The following ANXA8 variants were observed in gnomAD, a reference collection of about 807,000 sequenced individuals.
ANXA8 encodes annexin A8.
In ANXA8, 9 loss-of-function variants were observed where a neutral mutation model predicts 26.8. That is an observed-to-expected ratio of 0.34 (90% CI 0.20 to 0.59). The LOEUF is 0.59. Ranked by LOEUF, ANXA8 falls within the 20% of genes least tolerant of loss-of-function variation. The pLI is 0.84. For synonymous variants in ANXA8, 39 were observed against 94.8 expected (o/e 0.41, Z 3.42); for missense variants, 83 against 238.5 (o/e 0.35, Z 4.29).
At position 47,483,969 on chromosome 10, in the gene ANXA8, G is replaced by A; in HGVS notation, c.-36C>T. On this transcript the variant is annotated 5_prime_UTR_variant, in exon 1 of 12. Transcript: ENST00000585281. Reference sequence around the variant, plus strand: ...TCGGGGGCACCTTTCCCAGGGAGATGAAGAGACACAGGTTGGCCTCTGCTG... The same window carrying A: ...TCGGGGGCACCTTTCCCAGGGAGATAAAGAGACACAGGTTGGCCTCTGCTG... 1 of 1,611,714 alleles carries A rather than the reference G, an allele frequency of 6.2e-7. No individual in the cohort carries two copies. The highest frequency in any genetic ancestry group is 1.1e-5 in the South Asian group (1 of 90,976).
the ANXA8 span, among the ~76,000 whole-genome samples, chr10:47,684,528 G>A: frequency 1.3e-5 from 2 of 152,036 alleles, no homozygotes; most frequent in East Asian, 1.9e-4. Flanking sequence ...TGTGGTCCAG[G>A]ATGGCTTTAA....
the ANXA8 span, chr10:47,970,252 G>T: frequency 2.0e-5 from 3 of 151,502 alleles, no homozygotes; most frequent in African/African-American, 7.3e-5. Flanking sequence ...CCACATCCAG[G>T]CTGAGTGCTG....
the ANXA8 span, among the ~76,000 whole-genome samples, chr10:47,582,881 GGAA>G: frequency 7.4e-5 from 3 of 40,512 alleles, no homozygotes; most frequent in Non-Finnish European, 1.3e-4. Flanking sequence ...GGACAAACTG[GGAA>G]GGAGAGCACC....
chr10:47,491,810 T>C, the ANXA8 span: 2 of 782,168 alleles, frequency 2.6e-6, no homozygotes, highest in Admixed American at 2.6e-5. Flanking sequence ...GACAGGTGAG[T>C]CAGTGAGGGC....
chr10:47,474,649 G>A (rs2132400861), intron 7 of ANXA8, among the ~76,000 whole-genome samples: 1 of 77,168 alleles, frequency 1.3e-5, no homozygotes, highest in Non-Finnish European at 2.6e-5. Flanking sequence ...CTGCCAGCAG[G>A]CAGACCTACA....
At chr10:47,637,305 A>C in the ANXA8 span, among the ~76,000 whole-genome samples, 1 of 147,106 alleles carries the variant, frequency 6.8e-6, no homozygotes, top group Non-Finnish European at 1.5e-5. Flanking sequence ...AAACATTTGC[A>C]GCAGATGTTA....
the ANXA8 span, among the ~76,000 whole-genome samples, chr10:47,737,459 AT>A: frequency 3.3e-5 from 5 of 151,480 alleles, no homozygotes; most frequent in Non-Finnish European, 7.4e-5. Flanking sequence ...GATCTTTATT[AT>A]AATATGAAAT....
the ANXA8 span, among the ~76,000 whole-genome samples, chr10:47,944,721 C>T: frequency 3.3e-5 from 5 of 150,580 alleles, no homozygotes; most frequent in Non-Finnish European, 5.9e-5. Flanking sequence ...TCCTCATTCA[C>T]CTTCCACCAT....
the ANXA8 span, among the ~76,000 whole-genome samples, chr10:47,694,411 A>G: frequency 6.9e-6 from 1 of 144,296 alleles, no homozygotes; most frequent in South Asian, 2.2e-4. Flanking sequence ...CCAAACAGAA[A>G]TCTTCCTTTT....
the ANXA8 span, among the ~76,000 whole-genome samples, chr10:47,649,723 T>A: frequency 1.4e-4 from 20 of 146,356 alleles, 1 homozygote; most frequent in South Asian, 8.5e-4. Context: ...ATTAAAAAAA[T>A]TTTTTTAAAG....
the ANXA8 span, among the ~76,000 whole-genome samples, chr10:47,549,063 G>A: frequency 6.6e-6 from 1 of 152,132 alleles, no homozygotes; most frequent in Non-Finnish European, 1.5e-5. Flanking sequence ...TCTCCATCCT[G>A]TGATTTGCTT....
chr10:47,671,197 T>C, the ANXA8 span, among the ~76,000 whole-genome samples: 2 of 151,868 alleles, frequency 1.3e-5, no homozygotes, highest in Non-Finnish European at 2.9e-5. Flanking sequence ...CTCAGGCGGA[T>C]GGATCACTTG....
chr10:47,580,280 A>G, the ANXA8 span, among the ~76,000 whole-genome samples: 1 of 152,298 alleles, frequency 6.6e-6, no homozygotes, highest in Non-Finnish European at 1.5e-5. Flanking sequence ...AACTAGAGGA[A>G]TTGAACAACA....
the ANXA8 span, chr10:47,502,786 G>A: frequency 6.4e-7 from 1 of 1,570,748 alleles, no homozygotes; most frequent in Non-Finnish European, 8.7e-7. Context: ...GCTCTTGCAT[G>A]ACTGCAGGCT....
the ANXA8 span, among the ~76,000 whole-genome samples, chr10:47,957,323 C>T: frequency 6.0e-5 from 9 of 150,494 alleles, 1 homozygote; most frequent in East Asian, 1.8e-3. Context: ...CCTCCGGATG[C>T]TGCTGGCTGC....
At chr10:47,898,811 A>ATTTTTTTTTTTT in the ANXA8 span, among the ~76,000 whole-genome samples, 24 of 56,258 alleles carry the variant, frequency 4.3e-4, 2 homozygotes, top group African/African-American at 1.4e-3. Flanking sequence ...AAGAGAATGG[A>ATTTTTTTTTTTT]TTTTTTTTTT....
the ANXA8 span, among the ~76,000 whole-genome samples, chr10:47,661,939 G>GTTTCTTT: frequency 9.4e-5 from 14 of 149,218 alleles, no homozygotes; most frequent in Admixed American, 6.6e-5. Context: ...TAGTGCTATG[G>GTTTCTTT]TTTCTTTTTT....
chr10:47,526,174 C>T, the ANXA8 span, among the ~76,000 whole-genome samples: 3 of 128,970 alleles, frequency 2.3e-5, 1 homozygote, highest in Admixed American at 2.4e-4. Context: ...TCATTGCTCA[C>T]TGCAACCTCC....
the ANXA8 span, among the ~76,000 whole-genome samples, chr10:47,673,813 T>C: frequency 2.0e-5 from 3 of 151,020 alleles, no homozygotes; most frequent in Admixed American, 6.6e-5. Flanking sequence ...TTCCTATTTT[T>C]AACACCTTAT....
Sources: gnomAD v4.1 joint callset for allele counts (sites outside exome capture counted in the v4.1 genomes callset) on GRCh38, gnomAD v4.1.1 for gene constraint, MANE v1.5 for transcripts, NCBI Gene and HGNC (gene_info 2026-07-23, HGNC 2026-07-21) for gene names.